ARHGAP15: variants seen among roughly 807,000 people sequenced by gnomAD.
ARHGAP15 encodes Rho GTPase activating protein 15.
ARHGAP15 carries 51 observed loss-of-function variants against 63.7 expected under a neutral mutation model. The observed-to-expected ratio is 0.80, with a 90% CI of 0.64 to 1.01. The LOEUF (loss-of-function observed/expected upper bound fraction) is 1.01, where lower values mean the gene tolerates loss of function less well. ARHGAP15 is among the 50% of genes least tolerant of loss of function. The probability of loss-of-function intolerance (pLI) is 0.00; values close to 1 mark genes in which losing one functional copy is unlikely to be tolerated. For synonymous variants in ARHGAP15, 191 were observed against 193.8 expected (o/e 0.99, Z 0.12); for missense variants, 560 against 564.6 (o/e 0.99, Z 0.08).
intron 10 of ARHGAP15, among the ~76,000 whole-genome samples, chr2:143,526,679 G>A (rs1338993817): frequency 1.3e-5 from 2 of 152,076 alleles, no homozygotes; most frequent in African/African-American, 4.8e-5. Flanking sequence ...TTAGCAGGAT[G>A]TTTTAGCCTG....
intron 2 of ARHGAP15, among the ~76,000 whole-genome samples, chr2:143,189,567 C>T (rs559759284): frequency 6.6e-6 from 1 of 150,992 alleles, no homozygotes; most frequent in South Asian, 2.1e-4. Flanking sequence ...GTTCAAGCGA[C>T]TCTCATGCCT....
At chr2:143,645,744 T>C (rs72994427) in intron 12 of ARHGAP15, among the ~76,000 whole-genome samples, 134 of 152,246 alleles carry the variant, frequency 8.8e-4, no homozygotes, top group African/African-American at 3.0e-3. Context: ...CATCACGTGG[T>C]GGCTGTATTA....
intron 12 of ARHGAP15, among the ~76,000 whole-genome samples, chr2:143,655,811 C>T (rs1681404092): frequency 6.6e-6 from 1 of 151,952 alleles, no homozygotes; most frequent in African/African-American, 2.4e-5. Flanking sequence ...CCAAGGTTGC[C>T]CCACCTTAAC....
intron 10 of ARHGAP15, among the ~76,000 whole-genome samples, chr2:143,523,247 T>C (rs894498339): frequency 2.0e-5 from 3 of 152,134 alleles, no homozygotes; most frequent in Non-Finnish European, 4.4e-5. Context: ...CACACGGTTA[T>C]GTATGTTAGC....
chr2:143,539,025 G>C (rs1348076613), intron 10 of ARHGAP15, among the ~76,000 whole-genome samples: 1 of 152,048 alleles, frequency 6.6e-6, no homozygotes, highest in Non-Finnish European at 1.5e-5. Context: ...TTTTTTGGTT[G>C]GTAAGCTATT....
intron 6 of ARHGAP15, among the ~76,000 whole-genome samples, chr2:143,312,897 A>G (rs901184591): frequency 6.6e-6 from 1 of 152,188 alleles, no homozygotes; most frequent in Non-Finnish European, 1.5e-5. Flanking sequence ...CAGCTAATAT[A>G]CTACTCATCT....
chr2:143,617,654 C>A (rs759959467), intron 11 of ARHGAP15, among the ~76,000 whole-genome samples: 1 of 152,126 alleles, frequency 6.6e-6, no homozygotes, highest in Non-Finnish European at 1.5e-5. Flanking sequence ...AAGACTTCAA[C>A]GTTTGATTTT....
intron 1 of ARHGAP15, among the ~76,000 whole-genome samples, chr2:143,143,721 C>A (rs1396808838): frequency 6.6e-6 from 1 of 151,848 alleles, no homozygotes; most frequent in African/African-American, 2.4e-5. Flanking sequence ...GAACCTACTG[C>A]AAAAGCAATG....
chr2:143,535,656 C>T lies in ARHGAP15; in HGVS notation c.925+16292C>T, dbSNP rs182009012. 3.5e-3 allele frequency among the ~76,000 whole-genome samples: 526 copies of T among 152,318 alleles called. 6 individuals are homozygous for T. Among genetic ancestry groups the T allele is most frequent in the African/African-American group, 0.011 (465 of 41,582 alleles). ...TTGATAATCTTTCATTTCTATCTCT[C>T]ATGGCACTTCAAGATTTAGCTATAC... On this transcript the variant is annotated intron_variant, in intron 10 of 13. Transcript: ENST00000295095.
At chr2:143,561,972 TGA>T (rs1574636804) in intron 11 of ARHGAP15, among the ~76,000 whole-genome samples, 2 of 152,306 alleles carry the variant, frequency 1.3e-5, no homozygotes, top group South Asian at 2.1e-4. Flanking sequence ...TTGTTTTAAA[TGA>T]GAGGATTTTT....
intron 13 of ARHGAP15, among the ~76,000 whole-genome samples, chr2:143,728,872 C>T (rs1012950221): frequency 3.3e-5 from 5 of 152,206 alleles, no homozygotes; most frequent in African/African-American, 1.2e-4. Flanking sequence ...CACCTTTCAA[C>T]TCAGCATTTC....
chr2:143,430,451 C>T (rs554029289), intron 6 of ARHGAP15, among the ~76,000 whole-genome samples: 66 of 152,034 alleles, frequency 4.3e-4, no homozygotes, highest in Admixed American at 8.5e-4. Context: ...TCATAAACAC[C>T]TTTGAGACCA....
At chr2:143,329,416 G>A (rs112185249) in intron 6 of ARHGAP15, among the ~76,000 whole-genome samples, 1 of 152,130 alleles carries the variant, frequency 6.6e-6, no homozygotes, top group Non-Finnish European at 1.5e-5. Flanking sequence ...GTATGGAGAG[G>A]GGTGGCCTCT....
intron 6 of ARHGAP15, among the ~76,000 whole-genome samples, chr2:143,280,080 A>G (rs528048183): frequency 6.6e-6 from 1 of 152,328 alleles, no homozygotes; most frequent in East Asian, 1.9e-4. Flanking sequence ...TCAACCTATA[A>G]TTCTTCACAA....
At chr2:143,514,760 T>G (rs1363580550) in intron 9 of ARHGAP15, among the ~76,000 whole-genome samples, 1 of 152,180 alleles carries the variant, frequency 6.6e-6, no homozygotes, top group Non-Finnish European at 1.5e-5. Flanking sequence ...AGGGTTGCCC[T>G]CAGTTCTGTG....
chr2:143,346,660 A>C (rs139627296), intron 6 of ARHGAP15, among the ~76,000 whole-genome samples: 15 of 152,278 alleles, frequency 9.9e-5, no homozygotes, highest in African/African-American at 3.1e-4. Context: ...AGTGCTCGCT[A>C]TCTGTCTGAG....
chr2:143,218,717 T>A (rs927503824), intron 4 of ARHGAP15, among the ~76,000 whole-genome samples: 5 of 152,142 alleles, frequency 3.3e-5, no homozygotes, highest in African/African-American at 9.7e-5. Flanking sequence ...CATCCTTAGG[T>A]GATTTAATCA....
At chr2:143,530,169 G>A (rs1311546802) in intron 10 of ARHGAP15, among the ~76,000 whole-genome samples, 1 of 152,102 alleles carries the variant, frequency 6.6e-6, no homozygotes, top group African/African-American at 2.4e-5. Flanking sequence ...TAAACATAAC[G>A]TAAAGTCATA....
At chr2:143,425,011 A>G (rs755146474) in intron 6 of ARHGAP15, among the ~76,000 whole-genome samples, 1 of 152,130 alleles carries the variant, frequency 6.6e-6, no homozygotes, top group Non-Finnish European at 1.5e-5. Context: ...TGTGTTATTA[A>G]CAGTGCCTTT....
Sources: allele counts gnomAD v4.1 joint callset (sites outside exome capture counted in the v4.1 genomes callset), GRCh38; gene constraint gnomAD v4.1.1; transcripts MANE v1.5; gene names NCBI Gene and HGNC (gene_info 2026-07-23, HGNC 2026-07-21).